Variants in SYT1 observed in about 807,000 individuals in gnomAD.
The protein encoded by SYT1 is synaptotagmin 1, also known as synaptotagmin-1.
A neutral mutation model predicts 44.8 loss-of-function variants in SYT1; 8 were observed. That is an observed-to-expected ratio of 0.18 (90% CI 0.10 to 0.32). The LOEUF (loss-of-function observed/expected upper bound fraction) is 0.32, where lower values mean the gene tolerates loss of function less well. Among genes scored for constraint, SYT1 ranks in the 10% least tolerant of loss-of-function variants. The probability of loss-of-function intolerance (pLI) is 1.00; values close to 1 mark genes in which losing one functional copy is unlikely to be tolerated. For synonymous variants in SYT1, 154 were observed against 188.8 expected (o/e 0.82, Z 1.51); for missense variants, 286 against 509.3 (o/e 0.56, Z 4.22).
At chr12:79,057,587 A>G (rs1315994636) in intron 3 of SYT1, among the ~76,000 whole-genome samples, 4 of 152,020 alleles carry the variant, frequency 2.6e-5, no homozygotes, top group African/African-American at 9.7e-5. Context: ...GGCATTTACT[A>G]TTTGAGCTGT....
chr12:79,007,507 C>T (rs1465700661), intron 2 of SYT1, among the ~76,000 whole-genome samples: 2 of 152,050 alleles, frequency 1.3e-5, no homozygotes, highest in East Asian at 1.9e-4. Flanking sequence ...GCTGTTTAAC[C>T]ATCATGTGGT....
intron 2 of SYT1, among the ~76,000 whole-genome samples, chr12:78,997,316 T>C (rs1224395872): frequency 6.6e-6 from 1 of 152,348 alleles, no homozygotes; most frequent in East Asian, 1.9e-4. Flanking sequence ...CATAAGATTC[T>C]GTTATGGCTA....
intron 8 of SYT1, among the ~76,000 whole-genome samples, chr12:79,305,968 A>T (rs769401759): frequency 4.6e-5 from 7 of 152,128 alleles, no homozygotes; most frequent in Non-Finnish European, 1.0e-4. Context: ...AAGTGCTGGG[A>T]TTACACGTGT....
At chr12:79,296,755 C>T (rs1027918764) in intron 7 of SYT1, among the ~76,000 whole-genome samples, 2 of 152,106 alleles carry the variant, frequency 1.3e-5, no homozygotes, top group Non-Finnish European at 2.9e-5. Context: ...TTCTAGCCTT[C>T]TTCCTTTACT....
intron 2 of SYT1, among the ~76,000 whole-genome samples, chr12:78,985,203 A>G (rs1869555147): frequency 6.6e-6 from 1 of 151,956 alleles, no homozygotes; most frequent in African/African-American, 2.4e-5. Context: ...CTGTTTAACA[A>G]TGAAGAACTA....
intron 2 of SYT1, among the ~76,000 whole-genome samples, chr12:78,990,166 T>C (rs1869922506): frequency 6.6e-6 from 1 of 152,130 alleles, no homozygotes; most frequent in Non-Finnish European, 1.5e-5. Flanking sequence ...CTTAGATGCC[T>C]GTGAATGCTG....
At chr12:79,167,974 A>G (rs1042084005) in intron 3 of SYT1, among the ~76,000 whole-genome samples, 1 of 152,002 alleles carries the variant, frequency 6.6e-6, no homozygotes, top group African/African-American at 2.4e-5. Context: ...TCCTATGAGA[A>G]TCTAATGCCT....
chr12:79,037,677 C>A (rs1873224924), intron 2 of SYT1, among the ~76,000 whole-genome samples: 1 of 151,718 alleles, frequency 6.6e-6, no homozygotes, highest in Non-Finnish European at 1.5e-5. Context: ...GGCCTTCTAC[C>A]TTCATTTCCA....
intron 2 of SYT1, among the ~76,000 whole-genome samples, chr12:79,046,117 A>C (rs1356431692): frequency 2.0e-5 from 3 of 152,168 alleles, no homozygotes; most frequent in African/African-American, 4.8e-5. Flanking sequence ...TGCTCTTCCA[A>C]ATGGATTTTA....
intron 4 of SYT1, among the ~76,000 whole-genome samples, chr12:79,231,600 G>T (rs138632605): frequency 6.6e-6 from 1 of 152,066 alleles, no homozygotes; most frequent in African/African-American, 2.4e-5. Flanking sequence ...ACTCAGAAAA[G>T]AGCCAGGATC....
chr12:79,172,169 T>C (rs1019545680), intron 3 of SYT1, among the ~76,000 whole-genome samples: 1 of 151,864 alleles, frequency 6.6e-6, no homozygotes, highest in Non-Finnish European at 1.5e-5. Context: ...TTCATTGGAG[T>C]TTTACAACTA....
intron 1 of SYT1, among the ~76,000 whole-genome samples, chr12:78,880,367 T>C (rs1874386106): frequency 6.6e-6 from 1 of 151,658 alleles, no homozygotes; most frequent in African/African-American, 2.4e-5. Flanking sequence ...ACCAGTCTTG[T>C]AGTACATTTA....
At chr12:79,352,124 T>A (rs191126777) in intron 8 of SYT1, among the ~76,000 whole-genome samples, 1 of 151,966 alleles carries the variant, frequency 6.6e-6, no homozygotes, top group East Asian at 1.9e-4. Flanking sequence ...ATTGAATGTA[T>A]TACCTCTCAA....
At chr12:79,421,812 A>G (rs1869141199) in intron 9 of SYT1, among the ~76,000 whole-genome samples, 1 of 151,822 alleles carries the variant, frequency 6.6e-6, no homozygotes, top group Non-Finnish European at 1.5e-5. Flanking sequence ...TAAGTATTCA[A>G]TCAGGGCTGT....
chr12:78,972,538 A>AT (rs1555185617), intron 1 of SYT1, among the ~76,000 whole-genome samples: 30 of 136,156 alleles, frequency 2.2e-4, no homozygotes, highest in South Asian at 6.8e-4. Context: ...GCAAAAAAAA[A>AT]ATATATATAT....
At chr12:79,368,092 C>T (rs1883627566) in intron 9 of SYT1, among the ~76,000 whole-genome samples, 1 of 144,724 alleles carries the variant, frequency 6.9e-6, no homozygotes, top group South Asian at 2.2e-4. Context: ...GTTCCCCTTC[C>T]TGTGTCCATG....
rs1565894654 is a variant in SYT1 at position 79,293,395 on chromosome 12, TAAAATA to T, written c.474+1269_474+1274del. The stretch of plus-strand genomic sequence containing the variant: ...TAAAATAAAATAAAATAAAATAAAA[TAAAATA>T]AAATAAAATTAAAAAATCTGTAAGA... On this transcript the variant is annotated intron_variant, in intron 6 of 10. Coordinates refer to ENST00000261205, the MANE Select transcript of SYT1 (RefSeq NM_005639.3). 4.9e-3 allele frequency among the ~76,000 whole-genome samples: 273 copies of T among 55,740 alleles called. 12 individuals carry two copies. In the East Asian group the frequency reaches 0.16, roughly 32 times the overall value. The allele number at this position is 55,740 out of a possible 152,430, so 36.6% of individuals were successfully genotyped here. A position where few individuals can be genotyped will look rare whatever the true frequency, so the allele number is the denominator to read the frequency against.
intron 9 of SYT1, among the ~76,000 whole-genome samples, chr12:79,400,756 C>T (rs962983304): frequency 1.3e-5 from 2 of 152,202 alleles, no homozygotes; most frequent in Non-Finnish European, 2.9e-5. Context: ...GTTCTGATCA[C>T]CTTTGTACTC....
intron 2 of SYT1, chr12:79,046,347 T>C (rs966399401): frequency 5.3e-5 from 8 of 152,166 alleles, no homozygotes; most frequent in African/African-American, 2.4e-5. Context: ...AAAAACAGAG[T>C]AACATACTTA....
Sources: allele counts gnomAD v4.1 joint callset (sites outside exome capture counted in the v4.1 genomes callset), GRCh38; gene constraint gnomAD v4.1.1; transcripts MANE v1.5; gene names NCBI Gene and HGNC (gene_info 2026-07-23, HGNC 2026-07-21).